Variants in ANXA13 observed in about 807,000 individuals in gnomAD.
The protein encoded by ANXA13 is annexin A13.
A neutral mutation model predicts 46.6 loss-of-function variants in ANXA13; 36 were observed. The ratio of observed to expected loss-of-function variants is 0.77; its 90% CI spans 0.59 to 1.02. ANXA13 has a LOEUF of 1.02. Among genes scored for constraint, ANXA13 ranks in the 50% least tolerant of loss-of-function variants. The pLI is 0.00. For synonymous variants in ANXA13, 163 were observed against 152.9 expected (o/e 1.07, Z -0.49); for missense variants, 417 against 396.5 (o/e 1.05, Z -0.44).
At chr8:123,696,273 G>A (rs1348653708) in intron 4 of ANXA13, among the ~76,000 whole-genome samples, 3 of 152,140 alleles carry the variant, frequency 2.0e-5, no homozygotes, top group South Asian at 2.1e-4. Context: ...GTCACCTAGA[G>A]TTTTTTAAAG....
chr8:123,712,092 GGA>G (rs1453011012), intron 2 of ANXA13: 13 of 154,832 alleles, frequency 8.4e-5, no homozygotes, highest in African/African-American at 2.9e-4. Flanking sequence ...ACATGTTGTG[GGA>G]GGGACTTGGT....
intron 10 of ANXA13, among the ~76,000 whole-genome samples, chr8:123,682,953 G>A (rs965686479): frequency 1.3e-5 from 2 of 152,166 alleles, no homozygotes; most frequent in South Asian, 2.1e-4. Context: ...CAAGCCCTTC[G>A]GATGGATCCA....
At chr8:123,682,001 A>T (rs1350952738) in intron 10 of ANXA13, among the ~76,000 whole-genome samples, 1 of 152,168 alleles carries the variant, frequency 6.6e-6, no homozygotes, top group African/African-American at 2.4e-5. Context: ...CAGTTATTTG[A>T]AAATGAATTG....
intron 3 of ANXA13, among the ~76,000 whole-genome samples, chr8:123,700,338 T>C (rs1265967925): frequency 6.6e-6 from 1 of 152,242 alleles, no homozygotes; most frequent in Non-Finnish European, 1.5e-5. Flanking sequence ...ACATTCTGAC[T>C]GGACAGAGTA....
chr8:123,698,556 G>C lies in ANXA13; in HGVS notation c.190C>G (p.Leu64Val). The C allele has an allele frequency of 6.2e-7, 1 of 1,614,004 alleles. No homozygotes were observed. Among genetic ancestry groups the C allele is most frequent in the African/African-American group, 1.3e-5 (1 of 75,054 alleles). The change falls in exon 4 of 11, where the codon CTG becomes GTG. Residue 64 changes from leucine (L) to valine (V), a missense_variant. Transcript: ENST00000419625. ...AGCTCACTCTTGAGTACTTCCTCCA[G>C]CTCCTACCAGAAGACAGTGAGAGAC... ...QKYKATYGKE[L>V]EEVLKSELSG...
rs1417504207 is a variant in ANXA13 at position 123,695,515 on chromosome 8, A to T, written c.458T>A (p.Val153Glu). The T allele has an allele frequency of 1.9e-6, 3 of 1,613,848 alleles. No homozygotes were observed. Among genetic ancestry groups the T allele is most frequent in the Non-Finnish European group, 2.5e-6 (3 of 1,179,776 alleles). The change falls in exon 6 of 11, where the codon GTG (valine) becomes GAG (glutamate). Residue 153 changes from valine to glutamate, a missense_variant. Physicochemically the swap from Val to Glu is moderately radical, Grantham distance 121. Transcript: ENST00000419625. ...CTTTCCTCTTACCTGCAGCAGAGACACCAGGATTTTTTTTAGGTTTCCACT... is the reference window on the plus strand; with the variant it reads ...CTTTCCTCTTACCTGCAGCAGAGACTCCAGGATTTTTTTTAGGTTTCCACT... The part of the protein sequence containing the change: ...DTSGNLKKIL[V>E]SLLQANRNEG...
chr8:123,693,654 T>C, intron 7 of ANXA13, 57 bp downstream of exon 7: 2 of 1,429,088 alleles, frequency 1.4e-6, no homozygotes, highest in Non-Finnish European at 1.9e-6. Flanking sequence ...TTGTTGAAAA[T>C]AATGCTAATA....
intron 9 of ANXA13, among the ~76,000 whole-genome samples, chr8:123,685,969 T>A (rs1813133767): frequency 6.6e-6 from 1 of 152,142 alleles, no homozygotes. Flanking sequence ...CGGCTTGATG[T>A]GGGGATCATT....
Position 123,693,717 on chromosome 8 carries a change from C to T in ANXA13, c.534G>A (p.Leu178=). 6.2e-7 allele frequency: 1 copy of T among 1,613,870 alleles called. No individual in the cohort carries two copies. The highest frequency in any genetic ancestry group is 8.5e-7 in the Non-Finnish European group (1 of 1,179,836). ...KDLAGQDAKD[L]YDAGEGRWGT... ...GGCATGTCTGCACACATACATCATA[C>T]AGATCTTTGGCATCCTGACCAGCTA... is the stretch of plus-strand genomic sequence containing the variant. The change falls in exon 7 of 11, where the codon CTG becomes CTA. Residue 178 remains leucine, a synonymous_variant. Coordinates refer to ENST00000419625, the MANE Select transcript of ANXA13 (RefSeq NM_004306.4).
chr8:123,685,918 A>G (rs992929222), intron 9 of ANXA13, among the ~76,000 whole-genome samples: 2 of 152,212 alleles, frequency 1.3e-5, no homozygotes, highest in African/African-American at 4.8e-5. Context: ...TGAGCTAATG[A>G]GCACCACAAA....
chr8:123,706,686 T>A (rs1227844892), intron 2 of ANXA13, among the ~76,000 whole-genome samples: 1 of 152,220 alleles, frequency 6.6e-6, no homozygotes, highest in Non-Finnish European at 1.5e-5. Flanking sequence ...CGTTCTGAAG[T>A]GCAGATTGGC....
rs1185750852 is a variant in ANXA13 at position 123,684,742 on chromosome 8, A to T, written c.719-20T>A. On this transcript the variant is annotated intron_variant, in intron 9 of 10. Coordinates refer to ENST00000419625, the MANE Select transcript of ANXA13 (RefSeq NM_004306.4). ...ATCTCACTGGGCAGGACAAAGGAAA[A>T]GAGAATGTGAGGCTTTCACGTTTTG... 1.3e-6 allele frequency: 2 copies of T among 1,553,868 alleles called. No homozygotes were observed. Among genetic ancestry groups the T allele is most frequent in the East Asian group, 2.2e-5 (1 of 44,604 alleles).
At chr8:123,687,794 A>T (rs956856788) in intron 9 of ANXA13, among the ~76,000 whole-genome samples, 1 of 152,154 alleles carries the variant, frequency 6.6e-6, no homozygotes, top group African/African-American at 2.4e-5. Context: ...GACTGTGGAC[A>T]ATGGACAATG....
intron 1 of ANXA13, among the ~76,000 whole-genome samples, chr8:123,723,227 T>C (rs1396026228): frequency 6.6e-6 from 1 of 152,220 alleles, no homozygotes; most frequent in Non-Finnish European, 1.5e-5. Flanking sequence ...GATTCCTCCC[T>C]GCAACTTCCT....
At chr8:123,714,416 GAGTC>G (rs1355141640) in intron 1 of ANXA13, among the ~76,000 whole-genome samples, 1 of 152,214 alleles carries the variant, frequency 6.6e-6, no homozygotes, top group East Asian at 1.9e-4. Context: ...GAAAGTGCGT[GAGTC>G]TAGGGCTCTT....
At chr8:123,725,561 G>T (rs1420144511) in intron 1 of ANXA13, among the ~76,000 whole-genome samples, 1 of 152,180 alleles carries the variant, frequency 6.6e-6, no homozygotes, top group Non-Finnish European at 1.5e-5. Flanking sequence ...GGTTAGTAGA[G>T]ATTGATGAGC....
chr8:123,694,726 C>T (rs1462220046), intron 6 of ANXA13, among the ~76,000 whole-genome samples: 1 of 152,236 alleles, frequency 6.6e-6, no homozygotes, highest in African/African-American at 2.4e-5. Flanking sequence ...TATTATTCAG[C>T]TGGATCTCCA....
intron 9 of ANXA13, among the ~76,000 whole-genome samples, chr8:123,686,834 G>A (rs1279824096): frequency 6.6e-6 from 1 of 152,188 alleles, no homozygotes; most frequent in Non-Finnish European, 1.5e-5. Flanking sequence ...TGTAAGTTAG[G>A]TGGGAGCGGG....
chr8:123,723,006 C>A (rs763047094), intron 1 of ANXA13, among the ~76,000 whole-genome samples: 2 of 152,190 alleles, frequency 1.3e-5, no homozygotes, highest in Non-Finnish European at 2.9e-5. Context: ...TGAAAAGACA[C>A]GAAGCCAGTG....
Sources: allele counts gnomAD v4.1 joint callset (sites outside exome capture counted in the v4.1 genomes callset), GRCh38; gene constraint gnomAD v4.1.1; transcripts MANE v1.5; gene names NCBI Gene and HGNC (gene_info 2026-07-23, HGNC 2026-07-21).